Variants in TNKS observed in about 807,000 individuals in gnomAD.
TNKS encodes poly [ADP-ribose] polymerase tankyrase-1.
A neutral mutation model predicts 135.8 loss-of-function variants in TNKS; 72 were observed. That is an observed-to-expected ratio of 0.53 (90% CI 0.44 to 0.64). TNKS has a LOEUF of 0.64. Among genes scored for constraint, TNKS ranks in the 30% least tolerant of loss-of-function variants. The pLI, the probability that TNKS is intolerant of heterozygous loss-of-function variation, is 0.00. For synonymous variants in TNKS, 849 were observed against 649.3 expected (o/e 1.31, Z -4.68); for missense variants, 1,769 against 1,674.0 (o/e 1.06, Z -0.99).
rs777255644 is a variant in TNKS at position 9,748,042 on chromosome 8, T to G, written c.2662T>G (p.Leu888Val). ...TTTTCAGCATGTTGACATAGCGGCTTTATTGATAAAATACAACACGTGTGT... is the reference window on the plus strand; with the variant it reads ...TTTTCAGCATGTTGACATAGCGGCTGTATTGATAAAATACAACACGTGTGT... ...ASYGHVDIAA[L>V]LIKYNTCVNA... The change falls in exon 18 of 27, where the codon TTA (leucine) becomes GTA (valine). Residue 888 changes from leucine to valine, a missense_variant. Transcript: ENST00000310430. The G allele has an allele frequency of 6.2e-7, 1 of 1,608,208 alleles. No homozygotes were observed. The highest frequency in any genetic ancestry group is 8.5e-7 in the Non-Finnish European group (1 of 1,178,248).
chr8:9,563,086 G>T (rs1797401179), intron 1 of TNKS, among the ~76,000 whole-genome samples: 1 of 151,746 alleles, frequency 6.6e-6, no homozygotes, highest in Non-Finnish European at 1.5e-5. Flanking sequence ...TACGATATAT[G>T]TAAAATTTAC....
intron 18 of TNKS, among the ~76,000 whole-genome samples, chr8:9,748,646 G>A (rs1474701189): frequency 1.3e-5 from 2 of 152,094 alleles, no homozygotes; most frequent in African/African-American, 2.4e-5. Flanking sequence ...ATCATCTTCC[G>A]TGAACTTTCT....
rs755395371 is a variant in TNKS, at chr8:9,720,477, C to T, written c.1853C>T (p.Ser618Phe). The change falls in exon 12 of 27, where the codon TCC becomes TTC. Residue 618 changes from serine (S) to phenylalanine (F), a missense_variant. By Grantham distance (155) the Ser-to-Phe change is radical. Transcript: ENST00000310430. ...RLLLSYGSDP[S>F]IISLQGFTAA... ...CTGCTGAGTTACGGCTCTGACCCCT[C>T]CATCATCTCCTTACAAGGCTTCACA... 3.7e-6 allele frequency: 6 copies of T among 1,614,138 alleles called. No individual in the cohort carries two copies. In the African/African-American group the frequency reaches 8.0e-5, roughly 22 times the overall value.
intron 20 of TNKS, among the ~76,000 whole-genome samples, chr8:9,755,923 A>G (rs984419129): frequency 7.9e-5 from 12 of 152,190 alleles, no homozygotes; most frequent in African/African-American, 2.7e-4. Flanking sequence ...TGTTTCCCAT[A>G]GATACTTTGC....
chr8:9,735,324 A>G, intron 16 of TNKS, 53 bp from the exon 17 acceptor site: 2 of 1,506,724 alleles, frequency 1.3e-6, no homozygotes, highest in South Asian at 1.1e-5. Flanking sequence ...ATATGTATGT[A>G]TTTTTTTTCC....
chr8:9,683,697 A>G (rs1001933008), intron 5 of TNKS, among the ~76,000 whole-genome samples: 7 of 151,766 alleles, frequency 4.6e-5, no homozygotes, highest in South Asian at 4.1e-4. Context: ...TTTTAATGTA[A>G]TATGTGGGAT....
chr8:9,726,959 TAC>T lies in TNKS; in HGVS notation c.2001+251_2001+252del, dbSNP rs984276527. 7.9e-5 allele frequency among the ~76,000 whole-genome samples: 12 copies of T among 152,090 alleles called. 1 individual carries two copies. Among genetic ancestry groups the T allele is most frequent in the African/African-American group, 2.9e-4 (12 of 41,500 alleles). On this transcript the variant is annotated intron_variant, in intron 13 of 26. Coordinates refer to ENST00000310430, the MANE Select transcript of TNKS (RefSeq NM_003747.3). Reference sequence around the variant, plus strand: ...GTAGATAGACAGATGGATATATACATACACACACACACATATACATGGTTTTT... The same window carrying T: ...GTAGATAGACAGATGGATATATACATACACACACACATATACATGGTTTTT...
chr8:9,628,874 A>C (rs1277225109), intron 3 of TNKS, among the ~76,000 whole-genome samples: 1 of 151,884 alleles, frequency 6.6e-6, no homozygotes, highest in African/African-American at 2.4e-5. Context: ...TGCCCACCAA[A>C]CTTGAACCCC....
chr8:9,592,006 T>C (rs1798607675), intron 2 of TNKS, among the ~76,000 whole-genome samples: 1 of 152,210 alleles, frequency 6.6e-6, no homozygotes, highest in Admixed American at 6.5e-5. Flanking sequence ...GAATCAGCTA[T>C]TTCATGTGAA....
chr8:9,586,023 T>C (rs993026141), intron 2 of TNKS, among the ~76,000 whole-genome samples: 4 of 152,190 alleles, frequency 2.6e-5, no homozygotes, highest in Non-Finnish European at 5.9e-5. Context: ...TTAAATGAGA[T>C]AATATACGTG....
At chr8:9,715,923 C>T (rs1171916630) in intron 11 of TNKS, among the ~76,000 whole-genome samples, 1 of 152,162 alleles carries the variant, frequency 6.6e-6, no homozygotes, top group Non-Finnish European at 1.5e-5. Flanking sequence ...TCTGCCCTGG[C>T]ATTCTGCATT....
Position 9,777,078 on chromosome 8 carries a change from C to A in TNKS, c.*342C>A. The A allele has an allele frequency of 7.5e-6, 2 of 266,878 alleles. No individual in the cohort carries two copies. Among genetic ancestry groups the A allele is most frequent in the Non-Finnish European group, 1.4e-5 (2 of 138,180 alleles). 16.5% of individuals were successfully genotyped at this position (266,878 alleles called of 1,614,324 possible). A position where few individuals can be genotyped will look rare whatever the true frequency, so the allele number is the denominator to read the frequency against. ...CTTTTTCAAATGTTCACAATTCACA[C>A]ACTACATTTGTTTTGTTATGCATGA... On this transcript the variant is annotated 3_prime_UTR_variant, in exon 27 of 27. Transcript: ENST00000310430.
At chr8:9,654,241 C>T (rs1236100720) in intron 3 of TNKS, among the ~76,000 whole-genome samples, 8 of 152,214 alleles carry the variant, frequency 5.3e-5, no homozygotes, top group Admixed American at 3.3e-4. Flanking sequence ...TGAGAGATCA[C>T]TGGAAGATTC....
rs200533930 is a variant in TNKS, at chr8:9,751,702, C to T, written c.2926C>T (p.Leu976=). The T allele has an allele frequency of 3.7e-6, 6 of 1,614,226 alleles. No homozygotes were observed. The change falls in exon 19 of 27, where the codon CTG becomes TTG. Residue 976 remains leucine (L), a synonymous_variant. Transcript: ENST00000310430. ...TCAGGCTACTGTAGTGAGTGCCTCT[C>T]TGATCTCACCAGCATCCACCCCCTC... is the stretch of plus-strand genomic sequence containing the variant. The part of the protein sequence containing the change: ...KPQATVVSAS[L]ISPASTPSCL...
chr8:9,634,413 A>G (rs117109436), intron 3 of TNKS, among the ~76,000 whole-genome samples: 8,751 of 152,286 alleles, frequency 0.057, 330 homozygotes, highest in Non-Finnish European at 0.084. Context: ...TAATTCTTTG[A>G]CTTCATATTC....
intron 5 of TNKS, among the ~76,000 whole-genome samples, chr8:9,687,661 A>G (rs895725194): frequency 1.3e-5 from 2 of 152,150 alleles, no homozygotes; most frequent in South Asian, 4.2e-4. Context: ...GCAAGATGAT[A>G]AAACTTAGTT....
At chr8:9,631,219 G>A (rs1426625027) in intron 3 of TNKS, among the ~76,000 whole-genome samples, 2 of 152,094 alleles carry the variant, frequency 1.3e-5, no homozygotes, top group African/African-American at 4.8e-5. Context: ...TCTTTACATA[G>A]CTAGAATCCT....
intron 3 of TNKS, among the ~76,000 whole-genome samples, chr8:9,621,063 AG>A (rs2128767568): frequency 6.6e-6 from 1 of 152,372 alleles, no homozygotes; most frequent in South Asian, 2.1e-4. Context: ...TTATGCCAAT[AG>A]TTTTAATAAA....
intron 17 of TNKS, among the ~76,000 whole-genome samples, chr8:9,747,298 C>T (rs1806288299): frequency 7.1e-6 from 1 of 140,712 alleles, no homozygotes; most frequent in Non-Finnish European, 1.5e-5. Context: ...TGACTTTTCT[C>T]TCTCTCTCTT....
Sources: gnomAD v4.1 joint callset for allele counts (sites outside exome capture counted in the v4.1 genomes callset) on GRCh38, gnomAD v4.1.1 for gene constraint, MANE v1.5 for transcripts, NCBI Gene and HGNC (gene_info 2026-07-23, HGNC 2026-07-21) for gene names.